CADPS: variants seen among roughly 807,000 people sequenced by gnomAD.
CADPS encodes calcium-dependent secretion activator 1.
CADPS carries 57 observed loss-of-function variants against 167.3 expected under a neutral mutation model. The ratio of observed to expected loss-of-function variants is 0.34; its 90% confidence interval spans 0.28 to 0.42. The LOEUF is 0.42. Among genes scored for constraint, CADPS ranks in the 20% least tolerant of loss-of-function variants. CADPS has a pLI of 1.00. For synonymous variants in CADPS, 676 were observed against 635.3 expected (o/e 1.06, Z -0.96); for missense variants, 1,414 against 1,738.1 (o/e 0.81, Z 3.32).
At chr3:62,404,923 G>C (rs1416855519) in intron 28 of CADPS, 1 of 151,790 alleles carries the variant, frequency 6.6e-6, no homozygotes, top group East Asian at 1.9e-4. Flanking sequence ...GTTAATGGTT[G>C]TTGGGGGGTG....
chr3:62,470,993 T>C (rs934437829), intron 24 of CADPS, among the ~76,000 whole-genome samples: 3 of 152,228 alleles, frequency 2.0e-5, no homozygotes, highest in Non-Finnish European at 4.4e-5. Flanking sequence ...TAGACACTGC[T>C]GTTTCATGTC....
At chr3:62,528,790 T>A (rs2072953489) in intron 13 of CADPS, among the ~76,000 whole-genome samples, 1 of 152,236 alleles carries the variant, frequency 6.6e-6, no homozygotes, top group Admixed American at 6.5e-5. Flanking sequence ...TACTTAAATT[T>A]ACAGATGTTT....
At position 62,874,910 on chromosome 3, in the gene CADPS, C is replaced by G. The variant is rs2083394136; in HGVS notation, c.120G>C (p.Glu40Asp). ...GARLSPSRTSEGSAGSAGLGG... is the reference protein window; with the variant it reads ...GARLSPSRTSDGSAGSAGLGG... ...CCAGCCCGGCGCTGCCGGCCGAGCC[C>G]TCGCTGGTACGGCTGGGAGACAGGC... Residue 40 changes from glutamate (E) to aspartate (D), a missense_variant, in exon 1 of 30, where the codon GAG becomes GAC. Around this residue, in one of 6 missense-constraint regions of CADPS, gnomAD observed 522 missense variants for 559.5 expected, o/e 0.93. Transcript: ENST00000383710. The surrounding 1 kb of genome is among the most constrained non-coding windows in gnomAD (Gnocchi z 7.1). The G allele has an allele frequency of 7.0e-7, 1 of 1,434,850 alleles. No individual in the cohort carries two copies. The highest frequency in any genetic ancestry group is 3.1e-5 in the East Asian group (1 of 32,628). 88.9% of individuals were successfully genotyped at this position (1,434,850 alleles called of 1,614,324 possible).
intron 1 of CADPS, among the ~76,000 whole-genome samples, chr3:62,870,531 A>T (rs570542573): frequency 2.0e-3 from 308 of 152,274 alleles, no homozygotes; most frequent in Non-Finnish European, 3.7e-3. Context: ...CCATCATTTC[A>T]TGGGCAGATA....
chr3:62,508,353 T>C (rs2067070536), intron 17 of CADPS, among the ~76,000 whole-genome samples: 1 of 152,210 alleles, frequency 6.6e-6, no homozygotes, highest in Admixed American at 6.5e-5. Flanking sequence ...GAAACCTCTT[T>C]TGTGTTATAC....
At chr3:62,463,405 A>C (rs897565512) in intron 26 of CADPS, among the ~76,000 whole-genome samples, 4 of 152,202 alleles carry the variant, frequency 2.6e-5, no homozygotes, top group Non-Finnish European at 5.9e-5. Context: ...GGTGTCAGGG[A>C]AACATTTTCC....
At chr3:62,856,524 G>T (rs962214059) in intron 1 of CADPS, among the ~76,000 whole-genome samples, 1 of 151,976 alleles carries the variant, frequency 6.6e-6, no homozygotes, top group African/African-American at 2.4e-5. Context: ...ATAAAAAAAT[G>T]CAAGAAGAGT....
At chr3:62,695,779 T>C (rs2080155497) in intron 3 of CADPS, among the ~76,000 whole-genome samples, 1 of 152,092 alleles carries the variant, frequency 6.6e-6, no homozygotes, top group South Asian at 2.1e-4. Context: ...CCAATGATCC[T>C]GCCTCAACCT....
rs528657386 is a variant in CADPS, at chr3:62,839,463, C to T, written c.441+35126G>A. ...GAAAGTATATGCAAAGGTCAAGAGACGTGAAACACCCCTGTAAGTGTGAAG... is the reference window on the plus strand; with the variant it reads ...GAAAGTATATGCAAAGGTCAAGAGATGTGAAACACCCCTGTAAGTGTGAAG... On this transcript the variant is annotated intron_variant, in intron 1 of 29. Coordinates refer to ENST00000383710, the MANE Select transcript of CADPS (RefSeq NM_003716.4). Among the ~76,000 whole-genome samples, 10 of 152,170 alleles carry T rather than the reference C, an allele frequency of 6.6e-5. 1 individual carries two copies. The highest frequency in any genetic ancestry group is 1.9e-4 in the African/African-American group (8 of 41,532).
At chr3:62,638,183 A>G (rs1579349653) in intron 6 of CADPS, among the ~76,000 whole-genome samples, 1 of 152,074 alleles carries the variant, frequency 6.6e-6, no homozygotes, top group Admixed American at 6.5e-5. Flanking sequence ...CAGCGGAAAT[A>G]GGAACGCAGT....
At chr3:62,786,046 C>G (rs900215588) in intron 1 of CADPS, among the ~76,000 whole-genome samples, 5 of 151,856 alleles carry the variant, frequency 3.3e-5, no homozygotes, top group African/African-American at 7.3e-5. Context: ...AACCCCGTCT[C>G]TACTAAAAAT....
At chr3:62,489,192 G>A (rs547142768) in intron 21 of CADPS, among the ~76,000 whole-genome samples, 11 of 151,310 alleles carry the variant, frequency 7.3e-5, no homozygotes, top group Admixed American at 3.3e-4. Context: ...ACGGCATCTC[G>A]GTCTGTCACC....
chr3:62,530,237 T>C (rs926567904), intron 13 of CADPS, among the ~76,000 whole-genome samples: 1 of 152,216 alleles, frequency 6.6e-6, no homozygotes, highest in South Asian at 2.1e-4. Context: ...ATGGCACTAC[T>C]ATAAATGCAT....
chr3:62,635,089 T>G (rs1227647068), intron 6 of CADPS, among the ~76,000 whole-genome samples: 1 of 152,210 alleles, frequency 6.6e-6, no homozygotes, highest in Admixed American at 6.5e-5. Flanking sequence ...GAGACCAGGT[T>G]GTTTTTGAGA....
intron 1 of CADPS, among the ~76,000 whole-genome samples, chr3:62,824,450 T>G (rs1481305780): frequency 6.6e-6 from 1 of 152,124 alleles, no homozygotes; most frequent in Non-Finnish European, 1.5e-5. Flanking sequence ...ATGTTAGAAG[T>G]CAGAGAATGT....
rs2057312598 is a variant in CADPS at position 62,446,937 on chromosome 3, CA to C, written c.3637-1141del. Among the ~76,000 whole-genome samples, 1 of 152,176 alleles carries C rather than the reference CA, an allele frequency of 6.6e-6. No individual in the cohort carries two copies. The highest frequency in any genetic ancestry group is 1.9e-4 in the East Asian group (1 of 5,186). ...CACATCTCAGCCAGGCTTCCTCCTG[CA>C]ATTTGGCTGAGATCAATATTAGGAA... On this transcript the variant is annotated intron_variant, in intron 26 of 29. Coordinates refer to ENST00000383710, the MANE Select transcript of CADPS (RefSeq NM_003716.4). The surrounding 1 kb of genome is among the most constrained non-coding windows in gnomAD (Gnocchi z 4.9).
At chr3:62,467,247 CA>C in intron 24 of CADPS, 4 of 1,023,710 alleles carry the variant, frequency 3.9e-6, no homozygotes, top group East Asian at 7.5e-5. Flanking sequence ...ATTTCCCTAA[CA>C]AAAAATAACA....
At chr3:62,445,890 A>C in intron 26 of CADPS, 93 bp from the exon 27 acceptor site, 1 of 801,120 alleles carries the variant, frequency 1.2e-6, no homozygotes, top group Non-Finnish European at 1.8e-6. Context: ...TCAAAACAAC[A>C]TGCTGGCACA....
At chr3:62,869,810 C>A (rs1408832059) in intron 1 of CADPS, among the ~76,000 whole-genome samples, 1 of 152,096 alleles carries the variant, frequency 6.6e-6, no homozygotes. Context: ...TAGGTTAGAA[C>A]TCTCATCATT....
Sources: allele counts gnomAD v4.1 joint callset (sites outside exome capture counted in the v4.1 genomes callset), GRCh38; gene constraint gnomAD v4.1.1; regional missense constraint gnomAD v4.1.1; non-coding constraint Gnocchi (gnomAD v3.1); transcripts MANE v1.5; gene names NCBI Gene and HGNC (gene_info 2026-07-23, HGNC 2026-07-21).